Variants in SGCZ observed in about 807,000 individuals in gnomAD.
SGCZ encodes the protein zeta-sarcoglycan.
In SGCZ, 40 loss-of-function variants were observed where a neutral mutation model predicts 41.3. That is an observed-to-expected ratio of 0.97 (90% confidence interval 0.75 to 1.26). SGCZ has a LOEUF of 1.26. SGCZ is among the 50% of genes most tolerant of loss of function. SGCZ has a pLI of 0.00. For missense variants in SGCZ, 552 were observed against 369.8 expected, an observed-to-expected ratio of 1.49 and a Z score of -4.04; for synonymous variants, 206 against 137.5, an observed-to-expected ratio of 1.50 and a Z score of -3.49.
intron 2 of SGCZ, among the ~76,000 whole-genome samples, chr8:14,504,009 A>C (rs543062296): frequency 1.1e-4 from 17 of 152,310 alleles, no homozygotes; most frequent in African/African-American, 3.8e-4. Context: ...GAGTTATTTT[A>C]AGTGAACATT....
At chr8:14,614,578 C>T (rs1316735265) in intron 1 of SGCZ, among the ~76,000 whole-genome samples, 2 of 152,022 alleles carry the variant, frequency 1.3e-5, no homozygotes, top group Non-Finnish European at 2.9e-5. Flanking sequence ...TAGCTTGAAC[C>T]ATCAAAATTC....
chr8:14,376,934 T>C (rs1804153537), intron 2 of SGCZ, among the ~76,000 whole-genome samples: 1 of 152,226 alleles, frequency 6.6e-6, no homozygotes, highest in South Asian at 2.1e-4. Flanking sequence ...TATTTAGTCT[T>C]TGTTCCTAGT....
chr8:14,815,244 T>TTTC (rs1491309051), intron 1 of SGCZ, among the ~76,000 whole-genome samples: 12 of 87,068 alleles, frequency 1.4e-4, no homozygotes. Flanking sequence ...CTCAATTTTC[T>TTTC]TTTTTTTTTT....
chr8:14,567,001 G>A (rs1299028564), intron 1 of SGCZ, among the ~76,000 whole-genome samples: 1 of 152,188 alleles, frequency 6.6e-6, no homozygotes. Context: ...GCTGCGGAGG[G>A]TGCACCAGGT....
chr8:14,922,367 GA>G (rs1303294505), intron 1 of SGCZ, among the ~76,000 whole-genome samples: 2 of 152,044 alleles, frequency 1.3e-5, no homozygotes, highest in Admixed American at 6.5e-5. Context: ...TGTGCTTACA[GA>G]AAAAAATTAT....
At chr8:14,834,634 A>T (rs1802637362) in intron 1 of SGCZ, among the ~76,000 whole-genome samples, 1 of 152,170 alleles carries the variant, frequency 6.6e-6, no homozygotes, top group African/African-American at 2.4e-5. Flanking sequence ...CCTTTTTATG[A>T]TCGCACTTTG....
At chr8:14,789,919 A>G (rs1800894406) in intron 1 of SGCZ, among the ~76,000 whole-genome samples, 1 of 152,160 alleles carries the variant, frequency 6.6e-6, no homozygotes, top group Admixed American at 6.5e-5. Flanking sequence ...GAAAACAGAG[A>G]ATGTTTTCAA....
chr8:14,497,426 T>A (rs1197527710), intron 2 of SGCZ, among the ~76,000 whole-genome samples: 1 of 152,134 alleles, frequency 6.6e-6, no homozygotes, highest in African/African-American at 2.4e-5. Context: ...GAGATGGTGG[T>A]AAATCAAGCT....
intron 1 of SGCZ, among the ~76,000 whole-genome samples, chr8:14,657,243 C>T (rs1303548421): frequency 6.6e-6 from 1 of 152,024 alleles, no homozygotes; most frequent in Non-Finnish European, 1.5e-5. Flanking sequence ...AATCTGTATT[C>T]TCCCGGGTTC....
At chr8:14,275,633 A>C (rs980287442) in intron 3 of SGCZ, among the ~76,000 whole-genome samples, 2 of 152,168 alleles carry the variant, frequency 1.3e-5, no homozygotes, top group Admixed American at 6.5e-5. Flanking sequence ...TAGTGTTAGC[A>C]CTGCACCAGC....
intron 2 of SGCZ, among the ~76,000 whole-genome samples, chr8:14,327,893 G>A (rs971352912): frequency 4.6e-5 from 7 of 152,114 alleles, no homozygotes; most frequent in African/African-American, 7.2e-5. Context: ...TGATTCTCCT[G>A]CCTCAGCCTC....
chr8:14,161,314 G>A (rs1379224609), intron 5 of SGCZ: 1 of 152,144 alleles, frequency 6.6e-6, no homozygotes, highest in Non-Finnish European at 1.5e-5. Context: ...TCACGGGAAA[G>A]CATGAAGCTG....
intron 3 of SGCZ, among the ~76,000 whole-genome samples, chr8:14,308,333 C>CT (rs1801413617): frequency 6.6e-6 from 1 of 152,028 alleles, no homozygotes; most frequent in Admixed American, 6.6e-5. Context: ...AAACAATGAG[C>CT]TTTTACAGTG....
At chr8:15,016,948 C>T (rs1266561084) in intron 1 of SGCZ, among the ~76,000 whole-genome samples, 1 of 152,040 alleles carries the variant, frequency 6.6e-6, no homozygotes, top group Non-Finnish European at 1.5e-5. Context: ...AGTAAGAAAT[C>T]ACTCACTACC....
At chr8:14,518,058 A>G (rs1802677607) in intron 2 of SGCZ, among the ~76,000 whole-genome samples, 1 of 151,786 alleles carries the variant, frequency 6.6e-6, no homozygotes, top group Non-Finnish European at 1.5e-5. Flanking sequence ...TTTTTTAAGC[A>G]ATAAGGTTAT....
At chr8:14,963,155 G>T (rs1433633075) in intron 1 of SGCZ, among the ~76,000 whole-genome samples, 1 of 152,098 alleles carries the variant, frequency 6.6e-6, no homozygotes, top group African/African-American at 2.4e-5. Flanking sequence ...ATACTCCCAG[G>T]AAAATAGGAA....
At chr8:14,251,503 C>T (rs1477948845) in intron 3 of SGCZ, among the ~76,000 whole-genome samples, 1 of 151,944 alleles carries the variant, frequency 6.6e-6, no homozygotes, top group African/African-American at 2.4e-5. Context: ...TGTATTATAC[C>T]AAAGTATTAT....
chr8:15,126,260 T>C (rs268437), intron 1 of SGCZ, among the ~76,000 whole-genome samples: 59,830 of 152,152 alleles, frequency 0.39, 12,690 homozygotes, highest in African/African-American at 0.55. Flanking sequence ...ACATTTTTAA[T>C]AACTACAAGT....
chr8:14,193,601 T>C (rs761369964), intron 4 of SGCZ, among the ~76,000 whole-genome samples: 2 of 152,106 alleles, frequency 1.3e-5, no homozygotes, highest in South Asian at 2.1e-4. Flanking sequence ...CACATTAAAA[T>C]TGTATTCTAA....
Sources: gnomAD v4.1 joint callset for allele counts (sites outside exome capture counted in the v4.1 genomes callset) on GRCh38, gnomAD v4.1.1 for gene constraint, MANE v1.5 for transcripts, NCBI Gene and HGNC (gene_info 2026-07-23, HGNC 2026-07-21) for gene names.